Variants in PRKCB observed in about 807,000 individuals in gnomAD.
PRKCB encodes the protein protein kinase C beta type.
Under a neutral mutation model 81.5 loss-of-function variants are expected in PRKCB, and 13 were observed. The ratio of observed to expected loss-of-function variants is 0.16; its 90% CI spans 0.10 to 0.25. The LOEUF (loss-of-function observed/expected upper bound fraction) is 0.25, where lower values mean the gene tolerates loss of function less well. PRKCB is among the 10% of genes least tolerant of loss of function. The pLI, the probability that PRKCB is intolerant of heterozygous loss-of-function variation, is 1.00. For synonymous variants in PRKCB, 335 were observed against 321.4 expected (o/e 1.04, Z -0.45); for missense variants, 509 against 875.7 (o/e 0.58, Z 5.29).
chr16:24,205,549 G>A (rs756840184), intron 16 of PRKCB, among the ~76,000 whole-genome samples: 1 of 152,236 alleles, frequency 6.6e-6, no homozygotes, highest in African/African-American at 2.4e-5. Flanking sequence ...GGATCAAATC[G>A]TGGTCAGATA....
At chr16:23,990,402 A>G (rs545503360) in intron 3 of PRKCB, among the ~76,000 whole-genome samples, 2 of 151,904 alleles carry the variant, frequency 1.3e-5, no homozygotes, top group South Asian at 4.2e-4. Flanking sequence ...AGCTTGCAGT[A>G]AGCGGAGATC....
At position 24,217,303 on chromosome 16, in the gene PRKCB, T is replaced by C. The variant is rs779328021; in HGVS notation, c.*2487T>C. 1 of 985,466 alleles carries C rather than the reference T, an allele frequency of 1.0e-6. No individual in the cohort carries two copies. The allele number at this position is 985,466 out of a possible 1,614,324, so 61.0% of individuals were successfully genotyped here. A position where few individuals can be genotyped will look rare whatever the true frequency, so the allele number is the denominator to read the frequency against. ...AAGTCTGTTTTAGAGAAACTTTCCA[T>C]GGAAAGTCAGAATTTCTACCACTTC... On this transcript the variant is annotated 3_prime_UTR_variant, in exon 17 of 17. Coordinates refer to ENST00000643927, the MANE Select transcript of PRKCB (RefSeq NM_002738.7).
chr16:24,202,060 A>G (rs899669976), intron 16 of PRKCB, among the ~76,000 whole-genome samples: 4 of 152,018 alleles, frequency 2.6e-5, no homozygotes, highest in Non-Finnish European at 4.4e-5. Flanking sequence ...AGAAAAAAAG[A>G]AAAATAAAGC....
chr16:24,047,319 G>T (rs34551893), intron 5 of PRKCB, among the ~76,000 whole-genome samples: 1,679 of 152,124 alleles, frequency 0.011, 31 homozygotes, highest in South Asian at 0.015. Context: ...TCCAGCCTGG[G>T]TGACAGAGTG....
chr16:23,938,144 A>T (rs1964087635), intron 2 of PRKCB, among the ~76,000 whole-genome samples: 1 of 152,190 alleles, frequency 6.6e-6, no homozygotes, highest in African/African-American at 2.4e-5. Flanking sequence ...AGCCTATACA[A>T]CCAATCTTCT....
At chr16:24,043,192 CACTCAT>C (rs1217205347) in intron 5 of PRKCB, among the ~76,000 whole-genome samples, 1 of 152,206 alleles carries the variant, frequency 6.6e-6, no homozygotes, top group African/African-American at 2.4e-5. Flanking sequence ...CCACACACTG[CACTCAT>C]ACTCATGAGC....
At chr16:23,885,830 C>T (rs540627926) in intron 2 of PRKCB, among the ~76,000 whole-genome samples, 16 of 152,176 alleles carry the variant, frequency 1.1e-4, no homozygotes, top group Non-Finnish European at 2.1e-4. Flanking sequence ...CTTTCTAGAT[C>T]TCTTAAAAAT....
chr16:24,050,118 A>G (rs571483400), intron 5 of PRKCB, among the ~76,000 whole-genome samples: 1 of 152,320 alleles, frequency 6.6e-6, no homozygotes, highest in East Asian at 1.9e-4. Context: ...GTAACTCAGT[A>G]CAGGTATGTT....
At chr16:23,908,860 A>G (rs530849652) in intron 2 of PRKCB, among the ~76,000 whole-genome samples, 2 of 152,292 alleles carry the variant, frequency 1.3e-5, no homozygotes, top group South Asian at 4.1e-4. Flanking sequence ...CCCACTCAAT[A>G]TAGAAAACCA....
chr16:24,174,387 C>G, intron 11 of PRKCB, 131 bp from the exon 12 acceptor site: 1 of 772,976 alleles, frequency 1.3e-6, no homozygotes, highest in Non-Finnish European at 2.1e-6. Context: ...ACTTTATGAG[C>G]TATATAGCTG....
At chr16:24,036,716 C>T (rs1965624721) in intron 5 of PRKCB, among the ~76,000 whole-genome samples, 1 of 152,142 alleles carries the variant, frequency 6.6e-6, no homozygotes, top group South Asian at 2.1e-4. Context: ...ATGTTTTCCT[C>T]CAAGTGGTCG....
chr16:23,946,466 T>C (rs1459424391), intron 2 of PRKCB, among the ~76,000 whole-genome samples: 1 of 152,216 alleles, frequency 6.6e-6, no homozygotes, highest in Non-Finnish European at 1.5e-5. Flanking sequence ...GGGTAAGTTA[T>C]ATCTCTTGCC....
rs1964228602 is a variant in PRKCB at position 23,948,102 on chromosome 16, G to A, written c.206-40406G>A. On this transcript the variant is annotated intron_variant, in intron 2 of 16. Transcript: ENST00000643927. ...TTTGATCTGTTCTGGAGGGGGAGGT[G>A]TTAAGTATGTCCAGACTGCAGAGTC... 2.0e-5 allele frequency among the ~76,000 whole-genome samples: 3 copies of A among 152,080 alleles called. No homozygotes were observed. In the South Asian group the frequency reaches 6.2e-4, roughly 32 times the overall value.
chr16:24,096,706 T>TATATATATATC (rs1966450271), intron 7 of PRKCB, among the ~76,000 whole-genome samples: 1 of 130,400 alleles, frequency 7.7e-6, no homozygotes, highest in Non-Finnish European at 1.6e-5. Context: ...TATATATATA[T>TATATATATATC]CCTCCAATGT....
chr16:24,047,522 C>T (rs79218106), intron 5 of PRKCB, among the ~76,000 whole-genome samples: 1 of 150,802 alleles, frequency 6.6e-6, no homozygotes, highest in East Asian at 2.0e-4. Context: ...CAGAGCGAGA[C>T]CCTGTCTCTC....
At chr16:24,036,205 A>C (rs8056290) in intron 5 of PRKCB, among the ~76,000 whole-genome samples, 88,474 of 151,728 alleles carry the variant, frequency 0.58, 26,045 homozygotes, top group South Asian at 0.68. Flanking sequence ...TGAGAGGAGG[A>C]GCTGCTGGTG....
chr16:23,983,077 A>C (rs1201966941), intron 2 of PRKCB, among the ~76,000 whole-genome samples: 2 of 151,102 alleles, frequency 1.3e-5, no homozygotes, highest in African/African-American at 4.9e-5. Context: ...GGTCTAGTAC[A>C]TTTTTTTCAG....
chr16:23,860,607 C>T (rs1033624610), intron 2 of PRKCB, among the ~76,000 whole-genome samples: 7 of 151,918 alleles, frequency 4.6e-5, no homozygotes, highest in African/African-American at 9.7e-5. Context: ...TCTTGTAGGC[C>T]GCGTGTGGTG....
At chr16:23,935,737 G>T (rs1964049377) in intron 2 of PRKCB, among the ~76,000 whole-genome samples, 1 of 152,204 alleles carries the variant, frequency 6.6e-6, no homozygotes, top group Non-Finnish European at 1.5e-5. Context: ...CAACATGGAT[G>T]GAGCTGGAGG....
Sources: allele counts gnomAD v4.1 joint callset (sites outside exome capture counted in the v4.1 genomes callset), GRCh38; gene constraint gnomAD v4.1.1; transcripts MANE v1.5; gene names NCBI Gene and HGNC (gene_info 2026-07-23, HGNC 2026-07-21).